The following HIVEP1 variants were observed in gnomAD, a reference collection of about 807,000 sequenced individuals.
The protein encoded by HIVEP1 is HIVEP zinc finger 1.
In HIVEP1, 36 loss-of-function variants were observed where a neutral mutation model predicts 180.0. The observed-to-expected ratio is 0.20, with a 90% CI of 0.15 to 0.26. HIVEP1 has a LOEUF of 0.26. Among genes scored for constraint, HIVEP1 ranks in the 10% least tolerant of loss-of-function variants. The pLI, the probability that HIVEP1 is intolerant of heterozygous loss-of-function variation, is 1.00. For synonymous variants in HIVEP1, 1,239 were observed against 1,239.0 expected, an observed-to-expected ratio of 1.00 and a Z score of 0.00; for missense variants, 3,143 against 3,268.7, an observed-to-expected ratio of 0.96 and a Z score of 0.94.
In HIVEP1 at chr6:12,063,497, C is replaced by T. The variant is rs1270608936; in HGVS notation, c.41-25687C>T. The stretch of plus-strand genomic sequence containing the variant: ...GAAAGTGGGGAGGGAGGAGCTGGCT[C>T]ATGTTGGCAGGTGTGGCTGCACGTG... On this transcript the variant is annotated intron_variant, in intron 2 of 8. Coordinates refer to ENST00000379388, the MANE Select transcript of HIVEP1 (RefSeq NM_002114.4). This position sits in a 1 kb window ranked among gnomAD's most constrained non-coding sequence, Gnocchi z 4.2. Among the ~76,000 whole-genome samples the T allele has an allele frequency of 2.6e-5, 4 of 152,026 alleles. No individual in the cohort carries two copies. The East Asian group carries it at 7.7e-4, about 29-fold the overall frequency.
intron 3 of HIVEP1, among the ~76,000 whole-genome samples, chr6:12,103,399 A>G (rs1450575492): frequency 6.6e-6 from 1 of 152,096 alleles, no homozygotes; most frequent in Non-Finnish European, 1.5e-5. Flanking sequence ...CAGAGCCAGA[A>G]CCTAGACCCT....
intron 3 of HIVEP1, among the ~76,000 whole-genome samples, chr6:12,113,434 C>T (rs555751955): frequency 4.6e-5 from 7 of 152,010 alleles, no homozygotes; most frequent in Non-Finnish European, 7.4e-5. Flanking sequence ...AGAAAGTTTA[C>T]CGCAGGCTGA....
intron 3 of HIVEP1, among the ~76,000 whole-genome samples, chr6:12,104,727 C>T (rs1436561768): frequency 2.6e-5 from 4 of 152,134 alleles, no homozygotes; most frequent in African/African-American, 9.7e-5. Context: ...TGAGCCACTG[C>T]ACCTAGCAAC....
intron 3 of HIVEP1, among the ~76,000 whole-genome samples, chr6:12,106,145 T>G (rs1360691681): frequency 1.3e-5 from 2 of 151,996 alleles, no homozygotes; most frequent in East Asian, 3.8e-4. Context: ...TGATCTGATC[T>G]TGAGAAAATA....
At chr6:12,076,251 C>T (rs1359204703) in intron 2 of HIVEP1, among the ~76,000 whole-genome samples, 1 of 152,146 alleles carries the variant, frequency 6.6e-6, no homozygotes, top group Non-Finnish European at 1.5e-5. Context: ...CCTAACATAT[C>T]TCTGTTTATG....
At chr6:12,090,714 T>C (rs1266372501) in intron 3 of HIVEP1, among the ~76,000 whole-genome samples, 1 of 151,122 alleles carries the variant, frequency 6.6e-6, no homozygotes, top group African/African-American at 2.4e-5. Context: ...ACTTTTAAAG[T>C]TTTCTTTCTC....
intron 8 of HIVEP1, 64 bp downstream of exon 8, chr6:12,161,993 T>C (rs1202558418): frequency 6.4e-6 from 9 of 1,405,896 alleles, no homozygotes; most frequent in Admixed American, 2.2e-5. Context: ...TATGGAGAAC[T>C]TAATGGCTTA....
In HIVEP1 at chr6:12,122,753, T is replaced by C; in HGVS notation, c.2958T>C (p.His986=). 1 of 1,612,058 alleles carries C rather than the reference T, an allele frequency of 6.2e-7. No individual in the cohort carries two copies. The highest frequency in any genetic ancestry group is 8.5e-7 in the Non-Finnish European group (1 of 1,179,480). ...AGAAATTTTACTGTTCTGAGTTACA[T>C]GGACCAAAAACAAAGGTAGCCATGA... ...NHKKFYCSEL[H]GPKTKVAMRE... is the part of the protein sequence containing the mutation. The change falls in exon 4 of 9, where the codon CAT becomes CAC. Residue 986 remains histidine (H), a synonymous_variant. Transcript: ENST00000379388.
At chr6:12,207,742 A>AAATAATAATAATAACAATAATAATAAT in the HIVEP1 span, among the ~76,000 whole-genome samples, 1 of 138,182 alleles carries the variant, frequency 7.2e-6, no homozygotes, top group Non-Finnish European at 1.5e-5. Flanking sequence ...AGTCTCTACA[A>AAATAATAATAATAACAATAATAATAAT]AATAATAATA....
intron 2 of HIVEP1, among the ~76,000 whole-genome samples, chr6:12,031,988 C>T (rs2113643867): frequency 6.6e-6 from 1 of 152,236 alleles, no homozygotes; most frequent in Middle Eastern, 3.4e-3. Flanking sequence ...TTACTTAAGA[C>T]TGCATGTAGA....
At chr6:12,104,888 A>T (rs763111237) in intron 3 of HIVEP1, among the ~76,000 whole-genome samples, 9 of 152,246 alleles carry the variant, frequency 5.9e-5, no homozygotes, top group Admixed American at 1.3e-4. Flanking sequence ...TCTTGTCCTT[A>T]AGTAAGCACA....
intron 2 of HIVEP1, among the ~76,000 whole-genome samples, chr6:12,045,843 A>G (rs1770082483): frequency 6.6e-6 from 1 of 152,234 alleles, no homozygotes; most frequent in South Asian, 2.1e-4. Context: ...CGTGCCTAAT[A>G]AAAATTTGAT....
chr6:12,027,222 G>T (rs1215473772), intron 2 of HIVEP1, among the ~76,000 whole-genome samples: 2 of 152,188 alleles, frequency 1.3e-5, no homozygotes, highest in African/African-American at 4.8e-5. Context: ...GAATAAATGA[G>T]AATGCTTTAT....
intron 5 of HIVEP1, 84 bp from the exon 6 acceptor site, chr6:12,130,683 A>G: frequency 1.4e-6 from 1 of 716,224 alleles, no homozygotes; most frequent in Non-Finnish European, 2.2e-6. Flanking sequence ...GCCTTGTTTT[A>G]TCTTTGGGTT....
At chr6:12,027,715 G>C (rs944067180) in intron 2 of HIVEP1, among the ~76,000 whole-genome samples, 4 of 152,232 alleles carry the variant, frequency 2.6e-5, no homozygotes, top group African/African-American at 9.6e-5. Flanking sequence ...TCCCCTGTGA[G>C]TGGAGTGCCA....
At position 12,164,227 on chromosome 6, in the gene HIVEP1, A is replaced by G; in HGVS notation, c.7923A>G (p.Ala2641=). ...SKMDTEKAAS[A]NHVKPKPELT... Reference sequence around the variant, plus strand: ...TGGACACAGAGAAGGCTGCCTCGGCAAATCACGTGAAGCCCAAGCCTGAAC... The same window carrying G: ...TGGACACAGAGAAGGCTGCCTCGGCGAATCACGTGAAGCCCAAGCCTGAAC... Residue 2641 remains alanine, a synonymous_variant, in exon 9 of 9, where the codon GCA becomes GCG. Transcript: ENST00000379388. 1 of 1,614,166 alleles carries G rather than the reference A, an allele frequency of 6.2e-7. No individual in the cohort carries two copies. The highest frequency in any genetic ancestry group is 8.5e-7 in the Non-Finnish European group (1 of 1,180,030).
chr6:12,034,205 G>C (rs1769134733), intron 2 of HIVEP1, among the ~76,000 whole-genome samples: 1 of 152,182 alleles, frequency 6.6e-6, no homozygotes, highest in Admixed American at 6.5e-5. Context: ...ATGTATGTAT[G>C]CATTTTGGTC....
At chr6:12,082,854 A>G (rs2113292320) in intron 2 of HIVEP1, among the ~76,000 whole-genome samples, 1 of 151,702 alleles carries the variant, frequency 6.6e-6, no homozygotes, top group African/African-American at 2.4e-5. Context: ...GCTGAGCCAA[A>G]TGGACTATGT....
chr6:12,065,694 T>TGTGTGTGTGC (rs1771527315), intron 2 of HIVEP1, among the ~76,000 whole-genome samples: 1 of 60,364 alleles, frequency 1.7e-5, no homozygotes, highest in Admixed American at 1.7e-4. Context: ...TGTGTGTGCG[T>TGTGTGTGTGC]GTGTGTGTGT....
Sources: allele counts gnomAD v4.1 joint callset (sites outside exome capture counted in the v4.1 genomes callset), GRCh38; gene constraint gnomAD v4.1.1; non-coding constraint Gnocchi (gnomAD v3.1); transcripts MANE v1.5; gene names NCBI Gene and HGNC (gene_info 2026-07-23, HGNC 2026-07-21).